Variants in KCNH1 observed in about 807,000 individuals in gnomAD.
KCNH1 encodes voltage-gated delayed rectifier potassium channel KCNH1.
Under a neutral mutation model 69.2 loss-of-function variants are expected in KCNH1, and 27 were observed. The observed-to-expected ratio is 0.39, with a 90% CI of 0.29 to 0.54. The LOEUF (loss-of-function observed/expected upper bound fraction) is 0.54, where lower values mean the gene tolerates loss of function less well. KCNH1 is among the 20% of genes least tolerant of loss of function. The pLI, the probability that KCNH1 is intolerant of heterozygous loss-of-function variation, is 0.68. For missense variants in KCNH1, 798 were observed against 1,261.6 expected, an observed-to-expected ratio of 0.63 and a Z score of 5.57; for synonymous variants, 456 against 487.7, an observed-to-expected ratio of 0.93 and a Z score of 0.86.
intron 6 of KCNH1, among the ~76,000 whole-genome samples, chr1:210,997,159 G>A (rs923766525): frequency 2.6e-5 from 4 of 152,326 alleles, no homozygotes; most frequent in Middle Eastern, 3.4e-3. Flanking sequence ...AAAGCTGGAC[G>A]GAGAATGACT....
intron 5 of KCNH1, among the ~76,000 whole-genome samples, chr1:211,023,788 T>C (rs1480178057): frequency 6.6e-6 from 1 of 152,184 alleles, no homozygotes; most frequent in Non-Finnish European, 1.5e-5. Flanking sequence ...TTTATCATCC[T>C]ATCACATGTA....
chr1:211,025,605 TGTCCAGG>T (rs1689669408), intron 5 of KCNH1, among the ~76,000 whole-genome samples: 1 of 152,080 alleles, frequency 6.6e-6, no homozygotes, highest in Non-Finnish European at 1.5e-5. Flanking sequence ...TCTTGGAACA[TGTCCAGG>T]GTCCAGGGTC....
intron 1 of KCNH1, among the ~76,000 whole-genome samples, chr1:211,114,328 C>A (rs1050133085): frequency 6.6e-6 from 1 of 152,110 alleles, no homozygotes; most frequent in Non-Finnish European, 1.5e-5. Flanking sequence ...GACTGAGTTA[C>A]CCAAAAGACT....
chr1:211,105,091 A>G (rs1691327563), intron 2 of KCNH1, among the ~76,000 whole-genome samples: 1 of 152,132 alleles, frequency 6.6e-6, no homozygotes, highest in South Asian at 2.1e-4. Flanking sequence ...GAGGAATGTG[A>G]TTATCTGTGG....
intron 7 of KCNH1, among the ~76,000 whole-genome samples, chr1:210,867,659 T>A (rs998375481): frequency 1.3e-5 from 2 of 152,064 alleles, no homozygotes; most frequent in African/African-American, 2.4e-5. Flanking sequence ...AAAAAGTCCC[T>A]TGTGCCCCTC....
At chr1:210,960,500 TTTTA>T (rs1378662808) in intron 6 of KCNH1, among the ~76,000 whole-genome samples, 1 of 152,226 alleles carries the variant, frequency 6.6e-6, no homozygotes, top group African/African-American at 2.4e-5. Context: ...TTTCTAGAAT[TTTTA>T]TTTAAATTGA....
chr1:211,077,903 G>A (rs1690767038), intron 5 of KCNH1, among the ~76,000 whole-genome samples: 1 of 151,418 alleles, frequency 6.6e-6, no homozygotes, highest in South Asian at 2.1e-4. Context: ...AAAATAAAGG[G>A]ATGGAGGAAG....
chr1:210,734,916 A>C (rs1212424455), intron 10 of KCNH1, among the ~76,000 whole-genome samples: 1 of 152,182 alleles, frequency 6.6e-6, no homozygotes, highest in African/African-American at 2.4e-5. Flanking sequence ...TAGTTAAGAA[A>C]GTGACCAAAT....
At chr1:210,906,333 G>T (rs1023121443) in intron 7 of KCNH1, among the ~76,000 whole-genome samples, 1 of 152,032 alleles carries the variant, frequency 6.6e-6, no homozygotes, top group Admixed American at 6.5e-5. Context: ...ACACAGTGCC[G>T]GGGAGGGGAT....
At chr1:210,819,819 T>A (rs1356752034) in intron 7 of KCNH1, among the ~76,000 whole-genome samples, 4 of 152,196 alleles carry the variant, frequency 2.6e-5, no homozygotes, top group Non-Finnish European at 1.5e-5. Context: ...TAACAGTGCT[T>A]AGGAAAAAAT....
chr1:210,683,252 G>T lies in KCNH1; in HGVS notation c.*29C>A. ...GGTGACGGCAGGGTTGGAGGTATCT[G>T]TCTCTGACTTTTTTTTTAAATAGAC... On this transcript the variant is annotated 3_prime_UTR_variant, in exon 11 of 11. Coordinates refer to ENST00000271751, the MANE Select transcript of KCNH1 (RefSeq NM_172362.3). The surrounding 1 kb of genome is among the most constrained non-coding windows in gnomAD (Gnocchi z 5.7). 3 of 1,601,460 alleles carry T rather than the reference G, an allele frequency of 1.9e-6. No individual in the cohort carries two copies. Among genetic ancestry groups the T allele is most frequent in the Non-Finnish European group, 2.6e-6 (3 of 1,174,248 alleles).
At chr1:210,851,290 C>G (rs1685698607) in intron 7 of KCNH1, among the ~76,000 whole-genome samples, 1 of 152,218 alleles carries the variant, frequency 6.6e-6, no homozygotes, top group African/African-American at 2.4e-5. Context: ...TGTTCTTTCA[C>G]TTTCTCATTT....
rs1688188323 is a variant in KCNH1 at position 210,956,906 on chromosome 1, TA to T, written c.1033-36838del. ...TTTTTTGAAGGATTTTTCGTTTCTC[TA>T]TCTCCTTCAATTCCACTCAGATCTT... On this transcript the variant is annotated intron_variant, in intron 6 of 10. Transcript: ENST00000271751. 1.3e-5 allele frequency among the ~76,000 whole-genome samples: 2 copies of T among 152,194 alleles called. 1 individual carries two copies. Among genetic ancestry groups the T allele is most frequent in the South Asian group, 4.1e-4 (2 of 4,828 alleles).
In KCNH1 at chr1:210,685,873, G is replaced by A. The variant is rs1681398280; in HGVS notation, c.2113-1735C>T. ...TAAACGGTTAATTGCTTGATGCTAG[G>A]AATCCATCAGCAAATCGCTGGCAGA... On this transcript the variant is annotated intron_variant, in intron 10 of 10. Transcript: ENST00000271751. 2.0e-5 allele frequency among the ~76,000 whole-genome samples: 3 copies of A among 152,296 alleles called. No homozygotes were observed. In the South Asian group the frequency reaches 6.2e-4, roughly 32 times the overall value.
intron 5 of KCNH1, among the ~76,000 whole-genome samples, chr1:211,049,574 C>T (rs943077391): frequency 1.3e-5 from 2 of 152,052 alleles, no homozygotes; most frequent in Non-Finnish European, 2.9e-5. Flanking sequence ...ACTTGATGTG[C>T]CCTTGATGCA....
intron 7 of KCNH1, among the ~76,000 whole-genome samples, chr1:210,872,486 T>C (rs1686275101): frequency 6.6e-6 from 1 of 152,176 alleles, no homozygotes; most frequent in Admixed American, 6.6e-5. Context: ...AATAAATACC[T>C]GAGACTGGGT....
At chr1:210,867,985 T>C (rs1686151418) in intron 7 of KCNH1, among the ~76,000 whole-genome samples, 1 of 152,054 alleles carries the variant, frequency 6.6e-6, no homozygotes, top group South Asian at 2.1e-4. Flanking sequence ...TACAAGTTTT[T>C]GTGTGAACAT....
At chr1:211,022,898 G>A (rs1305616026) in intron 5 of KCNH1, among the ~76,000 whole-genome samples, 2 of 151,854 alleles carry the variant, frequency 1.3e-5, no homozygotes, top group Non-Finnish European at 2.9e-5. Context: ...GATCACCTGA[G>A]GTCAGGAGTT....
At position 211,113,681 on chromosome 1, in the gene KCNH1, A is replaced by G. The variant is rs77568471; in HGVS notation, c.80-6304T>C. On this transcript the variant is annotated intron_variant, in intron 1 of 10. Coordinates refer to ENST00000271751, the MANE Select transcript of KCNH1 (RefSeq NM_172362.3). Reference sequence around the variant, plus strand: ...GCTGCACAGGAAACTTGGCCATGTTAGCACTCCTGAGCCTCCCTCAGTTCC... The same window carrying G: ...GCTGCACAGGAAACTTGGCCATGTTGGCACTCCTGAGCCTCCCTCAGTTCC... Among the ~76,000 whole-genome samples, 1,410 of 152,292 alleles carry G rather than the reference A, an allele frequency of 9.3e-3. 28 individuals carry two copies. Among genetic ancestry groups the G allele is most frequent in the African/African-American group, 0.032 (1,350 of 41,562 alleles).
Sources: gnomAD v4.1 joint callset for allele counts (sites outside exome capture counted in the v4.1 genomes callset) on GRCh38, gnomAD v4.1.1 for gene constraint, Gnocchi (gnomAD v3.1) non-coding constraint, MANE v1.5 for transcripts, NCBI Gene and HGNC (gene_info 2026-07-23, HGNC 2026-07-21) for gene names.